Variants in BAIAP2 observed in about 807,000 individuals in gnomAD.
The protein encoded by BAIAP2 is BAR/IMD domain-containing adapter protein 2.
In BAIAP2, 18 loss-of-function variants were observed where a neutral mutation model predicts 63.0. That is an observed-to-expected ratio of 0.29 (90% CI 0.20 to 0.42). BAIAP2 has a LOEUF of 0.42. Ranked by LOEUF, BAIAP2 falls within the 10% of genes least tolerant of loss-of-function variation. The pLI, the probability that BAIAP2 is intolerant of heterozygous loss-of-function variation, is 1.00. For missense variants in BAIAP2, 610 were observed against 734.3 expected, an observed-to-expected ratio of 0.83 and a Z score of 1.96; for synonymous variants, 386 against 307.6, an observed-to-expected ratio of 1.25 and a Z score of -2.67.
chr17:81,046,845 C>T lies in BAIAP2; in HGVS notation c.55-6823C>T, dbSNP rs996915358. Among the ~76,000 whole-genome samples the T allele has an allele frequency of 6.6e-6, 1 of 152,090 alleles. No individual in the cohort carries two copies. The highest frequency in any genetic ancestry group is 1.5e-5 in the Non-Finnish European group (1 of 68,008). On this transcript the variant is annotated intron_variant, in intron 1 of 13. Coordinates refer to ENST00000428708, the MANE Select transcript of BAIAP2 (RefSeq NM_001144888.2). This position sits in a 1 kb window ranked among gnomAD's most constrained non-coding sequence, Gnocchi z 4.5. ...CCGTCAAGTCTACGTGGACCAGAGT[C>T]GTGGGTGCTGTGAGGTCCGTGTCTG...
chr17:81,109,862 G>A (rs1371664869), intron 13 of BAIAP2: 7 of 985,330 alleles, frequency 7.1e-6, no homozygotes, highest in Non-Finnish European at 8.4e-6. Flanking sequence ...TGCTGCCCCG[G>A]GCTACCTGGC....
chr17:81,057,524 A>C, intron 2 of BAIAP2: 1 of 506,668 alleles, frequency 2.0e-6, no homozygotes, highest in Non-Finnish European at 2.6e-6. Context: ...TTCCTTGCCC[A>C]GGGTTGGTTC....
intron 13 of BAIAP2, among the ~76,000 whole-genome samples, chr17:81,113,541 A>G (rs1449530557): frequency 6.6e-6 from 1 of 152,124 alleles, no homozygotes; most frequent in African/African-American, 2.4e-5. Flanking sequence ...GTGGGGAAAT[A>G]GGGACGCCCA....
intron 6 of BAIAP2, among the ~76,000 whole-genome samples, chr17:81,091,191 A>ACCCCC (rs1295079932): frequency 8.7e-4 from 4 of 4,610 alleles, no homozygotes; most frequent in Admixed American, 2.5e-3. Context: ...ATGTGGCCCC[A>ACCCCC]CCCCACCCCA....
chr17:81,099,565 C>T (rs1026112480), intron 6 of BAIAP2, among the ~76,000 whole-genome samples: 8 of 152,180 alleles, frequency 5.3e-5, no homozygotes, highest in African/African-American at 1.9e-4. Context: ...CACACCCAGG[C>T]TTCTGTGCCT....
At chr17:81,109,369 T>C in intron 13 of BAIAP2, 1 of 572,716 alleles carries the variant, frequency 1.7e-6, no homozygotes, top group South Asian at 8.4e-5. Context: ...AAAAGAAAAA[T>C]CTTAAAAAAA....
chr17:81,107,089 T>C (rs1170048989), intron 12 of BAIAP2, 182 bp downstream of exon 12: 1 of 728,946 alleles, frequency 1.4e-6, no homozygotes, highest in Non-Finnish European at 2.1e-6. Context: ...GGCCTCAGGC[T>C]GCCCGCCTCG....
At chr17:81,101,788 C>T (rs971449532) in intron 7 of BAIAP2, among the ~76,000 whole-genome samples, 1 of 152,242 alleles carries the variant, frequency 6.6e-6, no homozygotes, top group Admixed American at 6.5e-5. Flanking sequence ...GCAAGGACAG[C>T]AGCAGCACCT....
Position 81,050,357 on chromosome 17 carries a change from C to CTGCCCGCTGT in BAIAP2, c.55-3311_55-3310insTGCCCGCTGT, listed in dbSNP as rs1555655633. On this transcript the variant is annotated intron_variant, in intron 1 of 13. Transcript: ENST00000428708. Reference sequence around the variant, plus strand: ...TGCCCAGGTGTCCTGGTGGCTGTTCCCTGCCCGCTGTCTCCTGCATTCCTT... The same window carrying CTGCCCGCTGT: ...TGCCCAGGTGTCCTGGTGGCTGTTCCTGCCCGCTGTCTGCCCGCTGTCTCCTGCATTCCTT... 1.6e-4 allele frequency among the ~76,000 whole-genome samples: 25 copies of CTGCCCGCTGT among 152,234 alleles called. 1 individual carries two copies. The highest frequency in any genetic ancestry group is 5.8e-4 in the African/African-American group (24 of 41,556).
intron 3 of BAIAP2, 58 bp from the exon 4 acceptor site, chr17:81,084,774 C>T (rs919083910): frequency 8.4e-6 from 13 of 1,552,464 alleles, no homozygotes; most frequent in Non-Finnish European, 1.2e-5. Flanking sequence ...AGTGGGATGA[C>T]GGTGGTGACT....
At position 81,036,941 on chromosome 17, in the gene BAIAP2, C is replaced by A. The variant is rs1449677813; in HGVS notation, c.54+1633C>A. 13 of 1,535,810 alleles carry A rather than the reference C, an allele frequency of 8.5e-6. No individual in the cohort carries two copies. The East Asian group carries it at 2.9e-4, about 35-fold the overall frequency. On this transcript the variant is annotated intron_variant, in intron 1 of 13. Transcript: ENST00000428708. Reference sequence around the variant, plus strand: ...GCTGAAACCAGAAAGCAGGAACTTTCGTGGTGAGAGTTGGCAGGGGGTGAG... The same window carrying A: ...GCTGAAACCAGAAAGCAGGAACTTTAGTGGTGAGAGTTGGCAGGGGGTGAG...
chr17:81,035,288 C>T lies in BAIAP2; in HGVS notation c.34C>T (p.Leu12Phe). The change falls in exon 1 of 14, where the codon CTC becomes TTC. Residue 12 changes from leucine to phenylalanine, a missense_variant. Physicochemically the swap from Leu to Phe is conservative, Grantham distance 22. This residue lies in a region of BAIAP2 where 389 missense variants were observed against 455.6 expected (regional missense o/e 0.85). Transcript: ENST00000428708. ...GTCTCGCTCAGAGGAGATGCACCGGCTCACGGAAAATGTCTATAAGGTGAG... is the reference window on the plus strand; with the variant it reads ...GTCTCGCTCAGAGGAGATGCACCGGTTCACGGAAAATGTCTATAAGGTGAG... ...SLSRSEEMHR[L>F]TENVYKTIME... 1 of 1,513,484 alleles carries T rather than the reference C, an allele frequency of 6.6e-7. No individual in the cohort carries two copies. The allele number at this position is 1,513,484 out of a possible 1,614,324, so 93.8% of individuals were successfully genotyped here.
intron 3 of BAIAP2, among the ~76,000 whole-genome samples, chr17:81,067,190 C>T (rs1435512574): frequency 2.0e-5 from 3 of 152,254 alleles, no homozygotes; most frequent in Non-Finnish European, 2.9e-5. Context: ...TCCTCCCTCC[C>T]TACAGTAGGA....
intron 7 of BAIAP2, among the ~76,000 whole-genome samples, chr17:81,102,647 C>G (rs2058652460): frequency 2.6e-5 from 4 of 152,226 alleles, no homozygotes; most frequent in African/African-American, 9.6e-5. Flanking sequence ...ATGGGGAGGA[C>G]TTGCTCAGAA....
intron 13 of BAIAP2, chr17:81,109,032 A>G (rs1397366086): frequency 2.0e-6 from 3 of 1,538,074 alleles, no homozygotes; most frequent in Non-Finnish European, 2.6e-6. Context: ...TGCTCTGAAG[A>G]GCTTCCGCGC....
intron 6 of BAIAP2, among the ~76,000 whole-genome samples, chr17:81,088,025 TGAG>T (rs1485892619): frequency 2.6e-5 from 4 of 151,986 alleles, no homozygotes; most frequent in East Asian, 1.9e-4. Flanking sequence ...CATGGGGAGT[TGAG>T]GAGGAGAAAT....
chr17:81,109,478 A>C, intron 13 of BAIAP2: 4 of 985,028 alleles, frequency 4.1e-6, no homozygotes, highest in Non-Finnish European at 4.8e-6. Context: ...GTGCGCTGTT[A>C]TCTCGCATCC....
chr17:81,104,340 C>T (rs1171916322), intron 9 of BAIAP2, among the ~76,000 whole-genome samples, 174 bp from the exon 10 acceptor site: 4 of 152,224 alleles, frequency 2.6e-5, no homozygotes, highest in East Asian at 1.9e-4. Flanking sequence ...GGGTTAGGCT[C>T]ATGCAGGCAG....
chr17:81,106,887 G>A lies in BAIAP2; in HGVS notation c.1480G>A (p.Ala494Thr). The change falls in exon 12 of 14, where the codon GCC becomes ACC. Residue 494 changes from alanine to threonine, a missense_variant. Physicochemically the swap from Ala to Thr is moderately conservative, Grantham distance 58. Coordinates refer to ENST00000428708, the MANE Select transcript of BAIAP2 (RefSeq NM_001144888.2). Reference sequence around the variant, plus strand: ...CTTCAAGCAGAGGCCCTACAGTGTGGCCGTGCCCGCCTTCTCCCAGGTCAG... The same window carrying A: ...CTTCAAGCAGAGGCCCTACAGTGTGACCGTGCCCGCCTTCTCCCAGGTCAG... ...SGFKQRPYSV[A>T]VPAFSQGLDD... 1 of 1,570,598 alleles carries A rather than the reference G, an allele frequency of 6.4e-7. No homozygotes were observed. Among genetic ancestry groups the A allele is most frequent in the Non-Finnish European group, 8.6e-7 (1 of 1,158,432 alleles).
Sources: allele counts gnomAD v4.1 joint callset (sites outside exome capture counted in the v4.1 genomes callset), GRCh38; gene constraint gnomAD v4.1.1; regional missense constraint gnomAD v4.1.1; non-coding constraint Gnocchi (gnomAD v3.1); transcripts MANE v1.5; gene names NCBI Gene and HGNC (gene_info 2026-07-23, HGNC 2026-07-21).